The following BCR variants were observed in gnomAD, a reference collection of about 807,000 sequenced individuals.
BCR encodes breakpoint cluster region protein.
In BCR, 58 loss-of-function variants were observed where a neutral mutation model predicts 138.6. The ratio of observed to expected loss-of-function variants is 0.42; its 90% CI spans 0.34 to 0.52. BCR has a LOEUF of 0.52. Ranked by LOEUF, BCR falls within the 20% of genes least tolerant of loss-of-function variation. The pLI is 0.06. For synonymous variants in BCR, 786 were observed against 730.1 expected (o/e 1.08, Z -1.23); for missense variants, 1,599 against 1,727.2 (o/e 0.93, Z 1.32).
chr22:23,267,821 C>T (rs1568964174), intron 4 of BCR, among the ~76,000 whole-genome samples: 1 of 152,198 alleles, frequency 6.6e-6, no homozygotes, highest in African/African-American at 2.4e-5. Context: ...CAACACCTCT[C>T]GCCTTACAGC....
At chr22:23,280,613 G>A (rs77480222) in intron 8 of BCR, among the ~76,000 whole-genome samples, 5,186 of 152,336 alleles carry the variant, frequency 0.034, 231 homozygotes, top group Admixed American at 0.094. Flanking sequence ...GGAAACAGAG[G>A]CTCCAAGAAA....
At chr22:23,189,876 C>T (rs996122389) in intron 1 of BCR, among the ~76,000 whole-genome samples, 1 of 152,206 alleles carries the variant, frequency 6.6e-6, no homozygotes, top group African/African-American at 2.4e-5. Context: ...GGAAAACACC[C>T]GTTAGCAATG....
intron 8 of BCR, among the ~76,000 whole-genome samples, chr22:23,283,040 C>T (rs942811171): frequency 7.2e-5 from 11 of 152,182 alleles, no homozygotes; most frequent in African/African-American, 1.7e-4. Flanking sequence ...GCGATGTGCT[C>T]GTGCAGTGCG....
chr22:23,212,707 AC>A (rs2072700558), intron 1 of BCR, among the ~76,000 whole-genome samples: 1 of 152,150 alleles, frequency 6.6e-6, no homozygotes, highest in African/African-American at 2.4e-5. Context: ...GTCTCTCAAC[AC>A]ACACAGCTTC....
chr22:23,308,830 T>A (rs2073976490), intron 16 of BCR, among the ~76,000 whole-genome samples: 1 of 152,154 alleles, frequency 6.6e-6, no homozygotes, highest in Admixed American at 6.5e-5. Context: ...GCTGTCTGGA[T>A]AGTGCCGGGT....
Position 23,181,546 on chromosome 22 carries a change from G to T in BCR, c.586G>T (p.Val196Leu), listed in dbSNP as rs768726375. The T allele has an allele frequency of 3.1e-6, 5 of 1,612,898 alleles. No individual in the cohort carries two copies. The highest frequency in any genetic ancestry group is 4.2e-6 in the Non-Finnish European group (5 of 1,179,992). The part of the protein sequence containing the change: ...RGLVKVNDKE[V>L]SDRISSLGSQ... ...CCTGGTGAAGGTCAACGACAAAGAGGTGTCGGACCGCATCAGCTCCCTGGG... is the reference window on the plus strand; with the variant it reads ...CCTGGTGAAGGTCAACGACAAAGAGTTGTCGGACCGCATCAGCTCCCTGGG... Residue 196 changes from valine (V) to leucine (L), a missense_variant, in exon 1 of 23, where the codon GTG (valine) becomes TTG (leucine). Transcript: ENST00000305877.
At chr22:23,211,493 G>A (rs1055015114) in intron 1 of BCR, among the ~76,000 whole-genome samples, 7 of 147,022 alleles carry the variant, frequency 4.8e-5, no homozygotes, top group Middle Eastern at 4.0e-3. Flanking sequence ...CACTGCGCCC[G>A]GCCCTTTTTT....
rs2072258036 is a variant in BCR, at chr22:23,181,433, T to G, written c.473T>G (p.Phe158Cys). 3 of 1,593,582 alleles carry G rather than the reference T, an allele frequency of 1.9e-6. No homozygotes were observed. Among genetic ancestry groups the G allele is most frequent in the African/African-American group, 2.7e-5 (2 of 74,446 alleles). The change falls in exon 1 of 23, where the codon TTC becomes TGC. Residue 158 changes from phenylalanine (F) to cysteine (C), a missense_variant. Physicochemically the swap from Phe to Cys is radical, Grantham distance 205 (BLOSUM62 -2). This residue lies in a region of BCR where 806 missense variants were observed against 635.0 expected (regional missense o/e 1.27). Coordinates refer to ENST00000305877, the MANE Select transcript of BCR (RefSeq NM_004327.4). ...AGCGTGGCGGCGCTCAGGTCCAACT[T>G]CGAGCGGATCCGCAAGGGCCATGGC... is the stretch of plus-strand genomic sequence containing the variant. ...PASVAALRSN[F>C]ERIRKGHGQP...
intron 11 of BCR, 117 bp from the exon 12 acceptor site, chr22:23,287,980 C>A: frequency 1.0e-6 from 1 of 968,802 alleles, no homozygotes; most frequent in South Asian, 1.3e-5. Context: ...CACACCTGGC[C>A]ACTGGGCTCC....
intron 1 of BCR, among the ~76,000 whole-genome samples, chr22:23,242,228 C>T (rs192070435): frequency 5.3e-4 from 81 of 152,222 alleles, no homozygotes; most frequent in Non-Finnish European, 9.7e-4. Context: ...TGGCTAGGGG[C>T]AGTAAATTCT....
At chr22:23,221,400 T>G (rs1239541748) in intron 1 of BCR, among the ~76,000 whole-genome samples, 1 of 152,202 alleles carries the variant, frequency 6.6e-6, no homozygotes, top group Non-Finnish European at 1.5e-5. Context: ...CTTCACCCTG[T>G]TCCCCTTCAT....
At chr22:23,277,889 T>A (rs1455409643) in intron 8 of BCR, among the ~76,000 whole-genome samples, 1 of 152,154 alleles carries the variant, frequency 6.6e-6, no homozygotes, top group African/African-American at 2.4e-5. Context: ...CGGCAGGTGC[T>A]CCAGCTTCCT....
intron 17 of BCR, chr22:23,309,847 G>C (rs2073988595): frequency 2.8e-6 from 1 of 356,266 alleles, no homozygotes; most frequent in African/African-American, 2.1e-5. Context: ...CACCCAAAAA[G>C]GCCCGGGTAT....
At chr22:23,276,216 G>A (rs982644488) in intron 8 of BCR, among the ~76,000 whole-genome samples, 10 of 152,042 alleles carry the variant, frequency 6.6e-5, no homozygotes, top group African/African-American at 2.2e-4. Flanking sequence ...TGGCTAACAC[G>A]ATAAAACCCC....
Position 23,215,004 on chromosome 22 carries a change from C to G in BCR, c.1279+32765C>G, listed in dbSNP as rs570763197. On this transcript the variant is annotated intron_variant, in intron 1 of 22. Transcript: ENST00000305877. Reference sequence around the variant, plus strand: ...AACAACTCTCTACTCCCTCCTCCCTCAGCCCCTGGCCACCACCATCCTACT... The same window carrying G: ...AACAACTCTCTACTCCCTCCTCCCTGAGCCCCTGGCCACCACCATCCTACT... Among the ~76,000 whole-genome samples the G allele has an allele frequency of 6.6e-4, 101 of 152,288 alleles. 1 individual carries two copies. Among genetic ancestry groups the G allele is most frequent in the African/African-American group, 2.4e-3 (101 of 41,566 alleles).
At chr22:23,276,157 T>C (rs2073573588) in intron 8 of BCR, among the ~76,000 whole-genome samples, 1 of 152,064 alleles carries the variant, frequency 6.6e-6, no homozygotes. Flanking sequence ...CCTAGTACTT[T>C]GGGAGGCCGA....
chr22:23,284,382 G>A (rs2073686058), intron 9 of BCR, among the ~76,000 whole-genome samples: 1 of 152,058 alleles, frequency 6.6e-6, no homozygotes, highest in African/African-American at 2.4e-5. Flanking sequence ...GGAAGCGTGA[G>A]ATCAGGGGCT....
At chr22:23,182,499 C>T (rs1005860026) in intron 1 of BCR, among the ~76,000 whole-genome samples, 1 of 152,172 alleles carries the variant, frequency 6.6e-6, no homozygotes, top group Admixed American at 6.5e-5. Flanking sequence ...TCCTTTGGTT[C>T]TAGAGCAATG....
chr22:23,237,230 C>T (rs1401339959), intron 1 of BCR, among the ~76,000 whole-genome samples: 3 of 152,222 alleles, frequency 2.0e-5, no homozygotes, highest in Admixed American at 6.5e-5. Flanking sequence ...AGGATCTGCT[C>T]ATTTGGCTGG....
Sources: gnomAD v4.1 joint callset for allele counts (sites outside exome capture counted in the v4.1 genomes callset) on GRCh38, gnomAD v4.1.1 for gene constraint, gnomAD v4.1.1 regional missense constraint, MANE v1.5 for transcripts, NCBI Gene and HGNC (gene_info 2026-07-23, HGNC 2026-07-21) for gene names.